Variants in ASTN2 observed in about 807,000 individuals in gnomAD.
ASTN2 encodes the protein astrotactin 2.
ASTN2 carries 54 observed loss-of-function variants against 139.8 expected under a neutral mutation model. That is an observed-to-expected ratio of 0.39 (90% CI 0.31 to 0.48). ASTN2 has a LOEUF of 0.48. Ranked by LOEUF, ASTN2 falls within the 20% of genes least tolerant of loss-of-function variation. ASTN2 has a pLI of 0.95. For synonymous variants in ASTN2, 756 were observed against 719.5 expected, an observed-to-expected ratio of 1.05 and a Z score of -0.81; for missense variants, 1,565 against 1,725.1, an observed-to-expected ratio of 0.91 and a Z score of 1.64.
At chr9:116,977,044 G>C (rs949200336) in intron 7 of ASTN2, among the ~76,000 whole-genome samples, 6 of 152,172 alleles carry the variant, frequency 3.9e-5, no homozygotes, top group African/African-American at 1.4e-4. Context: ...AGAGGTCAAA[G>C]TTGCAACCCA....
chr9:117,123,855 C>A (rs1829620367), intron 4 of ASTN2, among the ~76,000 whole-genome samples: 1 of 152,150 alleles, frequency 6.6e-6, no homozygotes, highest in Admixed American at 6.5e-5. Flanking sequence ...TCACATTCTT[C>A]TTACTCACTG....
chr9:116,946,008 G>A (rs745372973), intron 10 of ASTN2, among the ~76,000 whole-genome samples: 13 of 152,168 alleles, frequency 8.5e-5, no homozygotes, highest in Non-Finnish European at 1.8e-4. Context: ...GGTGGTAGGA[G>A]AGAGAGAGAG....
intron 1 of ASTN2, among the ~76,000 whole-genome samples, chr9:117,322,305 C>A (rs1828353656): frequency 6.6e-6 from 1 of 152,178 alleles, no homozygotes; most frequent in Admixed American, 6.5e-5. Flanking sequence ...AATTCTAGTT[C>A]TTAACACCGT....
chr9:116,532,993 C>A (rs886900265), intron 19 of ASTN2, among the ~76,000 whole-genome samples: 1 of 152,218 alleles, frequency 6.6e-6, no homozygotes, highest in East Asian at 1.9e-4. Context: ...TATCCATGAG[C>A]ATGGAATGTT....
At chr9:116,944,909 C>T (rs1281606783) in intron 10 of ASTN2, among the ~76,000 whole-genome samples, 2 of 152,084 alleles carry the variant, frequency 1.3e-5, no homozygotes, top group Non-Finnish European at 2.9e-5. Flanking sequence ...ATGACCAAAA[C>T]TGGCTTAGAC....
At chr9:116,579,135 C>T (rs1052609641) in intron 19 of ASTN2, 1 of 152,068 alleles carries the variant, frequency 6.6e-6, no homozygotes, top group African/African-American at 2.4e-5. Context: ...CCCACTAACT[C>T]ATTTAGGTGT....
intron 5 of ASTN2, among the ~76,000 whole-genome samples, chr9:117,065,255 T>TGAGAGA (rs1439273497): frequency 6.6e-6 from 1 of 152,128 alleles, no homozygotes; most frequent in Admixed American, 6.5e-5. Context: ...CCTCAAAAAC[T>TGAGAGA]GAGAGAGAAT....
intron 13 of ASTN2, among the ~76,000 whole-genome samples, chr9:116,782,805 A>G (rs1342661887): frequency 6.6e-6 from 1 of 150,876 alleles, no homozygotes; most frequent in Non-Finnish European, 1.5e-5. Context: ...TCTCTTACTT[A>G]CCCTTCACAT....
chr9:116,897,565 A>C (rs1050968464), intron 10 of ASTN2, among the ~76,000 whole-genome samples: 2 of 152,228 alleles, frequency 1.3e-5, no homozygotes, highest in East Asian at 3.8e-4. Context: ...GTAGTAGCAA[A>C]AAACTGAAAA....
At chr9:117,375,464 AAAT>A (rs1278587557) in intron 1 of ASTN2, among the ~76,000 whole-genome samples, 1 of 152,248 alleles carries the variant, frequency 6.6e-6, no homozygotes, top group African/African-American at 2.4e-5. Flanking sequence ...AGGTCAAGGA[AAAT>A]AATAACTTCC....
intron 16 of ASTN2, among the ~76,000 whole-genome samples, chr9:116,660,509 T>C (rs1331725473): frequency 1.3e-5 from 2 of 152,204 alleles, no homozygotes; most frequent in East Asian, 3.8e-4. Context: ...TATTGGATTA[T>C]TTGGAGGATA....
chr9:117,072,175 C>A (rs1454563891), intron 5 of ASTN2, among the ~76,000 whole-genome samples: 1 of 152,184 alleles, frequency 6.6e-6, no homozygotes. Context: ...CTACAAGATA[C>A]CCCCTAGTCC....
chr9:117,190,151 A>G (rs1374627734), intron 3 of ASTN2, among the ~76,000 whole-genome samples: 2 of 152,196 alleles, frequency 1.3e-5, no homozygotes, highest in East Asian at 1.9e-4. Context: ...AGTTGCTACC[A>G]CTCAGCTCCT....
At chr9:117,391,342 G>C (rs895374503) in intron 1 of ASTN2, among the ~76,000 whole-genome samples, 4 of 152,166 alleles carry the variant, frequency 2.6e-5, no homozygotes, top group African/African-American at 7.2e-5. Flanking sequence ...GAGGTTTATT[G>C]GATTTACAGT....
chr9:116,544,488 A>G (rs141747112), intron 19 of ASTN2, among the ~76,000 whole-genome samples: 11 of 152,068 alleles, frequency 7.2e-5, no homozygotes, highest in Admixed American at 3.3e-4. Context: ...TTTAGCAGTT[A>G]TTTGCTATGT....
chr9:117,158,735 T>A (rs148102061), intron 3 of ASTN2, among the ~76,000 whole-genome samples: 105 of 152,112 alleles, frequency 6.9e-4, no homozygotes, highest in South Asian at 1.0e-3. Flanking sequence ...GGGGGGCTTG[T>A]GGAAGACTGA....
At chr9:116,656,003 T>C (rs911859315) in intron 16 of ASTN2, among the ~76,000 whole-genome samples, 8 of 152,172 alleles carry the variant, frequency 5.3e-5, no homozygotes, top group East Asian at 1.9e-4. Context: ...GCTGGCATTA[T>C]AGACATGAGC....
At chr9:116,433,372 G>A (rs909043248) in intron 22 of ASTN2, among the ~76,000 whole-genome samples, 2 of 152,178 alleles carry the variant, frequency 1.3e-5, no homozygotes, top group African/African-American at 4.8e-5. Flanking sequence ...AGATGAAAGA[G>A]CTGTGGTTGT....
At chr9:117,259,311 A>G (rs1451214903) in intron 2 of ASTN2, among the ~76,000 whole-genome samples, 1 of 152,122 alleles carries the variant, frequency 6.6e-6, no homozygotes, top group East Asian at 1.9e-4. Flanking sequence ...CCAAAAATAA[A>G]ATTCTAAGGC....
Sources: gnomAD v4.1 joint callset for allele counts (sites outside exome capture counted in the v4.1 genomes callset) on GRCh38, gnomAD v4.1.1 for gene constraint, MANE v1.5 for transcripts, NCBI Gene and HGNC (gene_info 2026-07-23, HGNC 2026-07-21) for gene names.